The following BLTP1 variants were observed in gnomAD, a reference collection of about 807,000 sequenced individuals.
BLTP1 encodes the protein bridge-like lipid transfer protein family member 1.
chr4:122,189,688 T>G, the BLTP1 span: 1 of 916,560 alleles, frequency 1.1e-6, no homozygotes, highest in South Asian at 5.0e-5. Context: ...CATTCAAAAC[T>G]GAAAATGAAA....
chr4:122,158,712 A>G, the BLTP1 span, among the ~76,000 whole-genome samples: 2 of 152,332 alleles, frequency 1.3e-5, no homozygotes, highest in African/African-American at 4.8e-5. Context: ...AGGGGCTTGC[A>G]GTGAGCTGAG....
chr4:122,286,410 T>C, the BLTP1 span: 3 of 1,454,410 alleles, frequency 2.1e-6, no homozygotes, highest in Non-Finnish European at 2.7e-6. Flanking sequence ...CTTTAAAATA[T>C]CCTTTCATAT....
At chr4:122,316,824 A>G in the BLTP1 span, 1 of 1,612,460 alleles carries the variant, frequency 6.2e-7, no homozygotes, top group Non-Finnish European at 8.5e-7. Flanking sequence ...TGGATATCAG[A>G]GAACTGAATG....
the BLTP1 span, chr4:122,343,626 TTA>T: frequency 4.2e-4 from 671 of 1,609,816 alleles, 1 homozygote; most frequent in African/African-American, 4.9e-3. Context: ...CTTTGCATGT[TTA>T]TGTCTTTTTC....
chr4:122,355,810 C>T, the BLTP1 span: 3 of 1,598,848 alleles, frequency 1.9e-6, no homozygotes, highest in Admixed American at 3.4e-5. Context: ...AAATCTGCTT[C>T]GTAATGTTGA....
At chr4:122,176,620 A>G in the BLTP1 span, among the ~76,000 whole-genome samples, 2 of 152,100 alleles carry the variant, frequency 1.3e-5, no homozygotes, top group Admixed American at 6.5e-5. Context: ...TTTATGAGTA[A>G]TTTACTTGTT....
the BLTP1 span, chr4:122,209,145 T>A: frequency 1.9e-6 from 3 of 1,595,294 alleles, no homozygotes; most frequent in East Asian, 6.8e-5. Context: ...TGGCTTATTA[T>A]AATTATTTTT....
At chr4:122,271,722 C>A in the BLTP1 span, 1 of 1,545,480 alleles carries the variant, frequency 6.5e-7, no homozygotes, top group South Asian at 1.2e-5. Flanking sequence ...TTTGGACCAG[C>A]AGGTAACAGA....
the BLTP1 span, chr4:122,198,020 CTAAGTA>C: frequency 3.0e-6 from 3 of 984,642 alleles, no homozygotes; most frequent in African/African-American, 3.5e-5. Context: ...GTTTCTGTTG[CTAAGTA>C]TAATTCATTT....
the BLTP1 span, chr4:122,331,513 C>G: frequency 6.2e-7 from 1 of 1,611,118 alleles, no homozygotes; most frequent in Non-Finnish European, 8.5e-7. Context: ...CACCCTTCTA[C>G]AAGAACATGA....
At chr4:122,270,879 T>C in the BLTP1 span, 1 of 1,187,114 alleles carries the variant, frequency 8.4e-7, no homozygotes, top group Non-Finnish European at 1.1e-6. Flanking sequence ...AAAAAGCATA[T>C]TTTACTGGTT....
At chr4:122,186,418 G>A in the BLTP1 span, among the ~76,000 whole-genome samples, 9 of 151,836 alleles carry the variant, frequency 5.9e-5, no homozygotes, top group East Asian at 3.9e-4. Context: ...AAAAAGTCCC[G>A]TTCTATTCCC....
At chr4:122,343,572 C>T in the BLTP1 span, 19 of 1,613,862 alleles carry the variant, frequency 1.2e-5, no homozygotes, top group African/African-American at 4.0e-5. Context: ...AAACAAAAAA[C>T]TGCTGTTTCT....
chr4:122,250,624 A>G, the BLTP1 span: 1 of 1,540,300 alleles, frequency 6.5e-7, no homozygotes, highest in Non-Finnish European at 8.9e-7. Context: ...AAAATAACAA[A>G]GAAAACTACA....
the BLTP1 span, chr4:122,243,797 C>T: frequency 7.0e-7 from 1 of 1,418,770 alleles, no homozygotes; most frequent in Non-Finnish European, 9.2e-7. Context: ...CTTAAGGAAG[C>T]TCCAACTTCT....
At chr4:122,313,659 T>C in the BLTP1 span, 3 of 1,586,800 alleles carry the variant, frequency 1.9e-6, no homozygotes, top group Admixed American at 5.2e-5. Flanking sequence ...ATGAAGTATG[T>C]TCAAGAACTA....
chr4:122,306,082 T>G, the BLTP1 span: 2 of 1,544,820 alleles, frequency 1.3e-6, no homozygotes, highest in Non-Finnish European at 1.7e-6. Context: ...CTCTGGGATC[T>G]AGGAATGCTT....
the BLTP1 span, among the ~76,000 whole-genome samples, chr4:122,319,347 G>C: frequency 2.0e-5 from 3 of 151,640 alleles, no homozygotes; most frequent in Non-Finnish European, 4.4e-5. Context: ...TATGCATTCA[G>C]TTCTATAAAT....
the BLTP1 span, chr4:122,325,268 G>A: frequency 2.6e-5 from 42 of 1,609,276 alleles, no homozygotes; most frequent in Admixed American, 1.0e-4. Flanking sequence ...CCAGAAATCC[G>A]TGTGGATGCA....
Sources: gnomAD v4.1 joint callset for allele counts (sites outside exome capture counted in the v4.1 genomes callset) on GRCh38, gnomAD v4.1.1 for gene constraint, MANE v1.5 for transcripts, NCBI Gene and HGNC (gene_info 2026-07-23, HGNC 2026-07-21) for gene names.